The following DDAH1 variants were observed in gnomAD, a reference collection of about 807,000 sequenced individuals.
DDAH1 encodes N(G),N(G)-dimethylarginine dimethylaminohydrolase 1.
In DDAH1, 19 loss-of-function variants were observed where a neutral mutation model predicts 28.8. That is an observed-to-expected ratio of 0.66 (90% CI 0.46 to 0.97). DDAH1 has a LOEUF of 0.97. Among genes scored for constraint, DDAH1 ranks in the 50% least tolerant of loss-of-function variants. The probability of loss-of-function intolerance (pLI) is 0.00; values close to 1 mark genes in which losing one functional copy is unlikely to be tolerated. For synonymous variants in DDAH1, 153 were observed against 154.4 expected (o/e 0.99, Z 0.07); for missense variants, 326 against 375.9 (o/e 0.87, Z 1.10).
At chr1:85,502,900 G>T (rs182368332) in intron 1 of DDAH1, among the ~76,000 whole-genome samples, 4 of 152,272 alleles carry the variant, frequency 2.6e-5, no homozygotes, top group Non-Finnish European at 5.9e-5. Flanking sequence ...GCCTCTGCCT[G>T]CCTTTGTCTC....
rs551195628 is a variant in DDAH1 at position 85,561,928 on chromosome 1, C to G, written c.-123+16056G>C. Among the ~76,000 whole-genome samples, 22 of 152,272 alleles carry G rather than the reference C, an allele frequency of 1.4e-4. 1 individual carries two copies. In the South Asian group the frequency reaches 4.6e-3, roughly 32 times the overall value. ...ATGTTGGATTAGTAGGTGAATGATT[C>G]CTTTTGCAGTTTCTTTCTAAGAAGA... On this transcript the variant is annotated intron_variant, in intron 1 of 6. Coordinates refer to the DDAH1 transcript ENST00000426972.
At chr1:85,447,463 C>G (rs1040902822) in intron 1 of DDAH1, among the ~76,000 whole-genome samples, 1 of 152,142 alleles carries the variant, frequency 6.6e-6, no homozygotes, top group African/African-American at 2.4e-5. Context: ...AGCAAGTGGA[C>G]AGTGAGAAGA....
chr1:85,339,060 A>T (rs190804399), intron 4 of DDAH1, among the ~76,000 whole-genome samples: 17,192 of 146,286 alleles, frequency 0.12, 1,254 homozygotes, highest in South Asian at 0.26. Context: ...AAAAAAAAAA[A>T]AAATATATAT....
In DDAH1 at chr1:85,465,072, C is replaced by CGGCGGCGGA. The variant is rs1345916526; in HGVS notation, c.-36_-28dup. 1 of 1,226,112 alleles carries CGGCGGCGGA rather than the reference C, an allele frequency of 8.2e-7. No homozygotes were observed. The highest frequency in any genetic ancestry group is 1.6e-5 in the African/African-American group (1 of 63,706). 76.0% of individuals were successfully genotyped at this position (1,226,112 alleles called of 1,614,324 possible). On this transcript the variant is annotated 5_prime_UTR_variant, in exon 1 of 6. Transcript: ENST00000284031. ...GCTTCGGGAGGCTTAGGGGCGGCGG[C>CGGCGGCGGA]GGCGGCGGAGGCGGCCGGGTCCTGC...
chr1:85,370,345 T>C (rs1650316804), intron 1 of DDAH1, among the ~76,000 whole-genome samples: 1 of 152,238 alleles, frequency 6.6e-6, no homozygotes, highest in African/African-American at 2.4e-5. Context: ...TTATTTAAGA[T>C]GTCCAGTCAG....
chr1:85,514,197 T>C (rs999594042), intron 1 of DDAH1, among the ~76,000 whole-genome samples: 5 of 152,162 alleles, frequency 3.3e-5, no homozygotes, highest in African/African-American at 1.2e-4. Flanking sequence ...TGGAATACTA[T>C]GCAGCCATAA....
At chr1:85,330,431 G>T (rs1251500788) in intron 4 of DDAH1, among the ~76,000 whole-genome samples, 2 of 152,170 alleles carry the variant, frequency 1.3e-5, no homozygotes, top group African/African-American at 4.8e-5. Context: ...AAAAAAGCAT[G>T]GAGGAGGTGG....
At chr1:85,535,954 A>G (rs576073425) in intron 1 of DDAH1, among the ~76,000 whole-genome samples, 8 of 152,358 alleles carry the variant, frequency 5.3e-5, no homozygotes, top group Non-Finnish European at 2.9e-5. Context: ...AGTAATCATC[A>G]GGGAAGTCCA....
intron 1 of DDAH1, among the ~76,000 whole-genome samples, chr1:85,531,757 C>T (rs866224164): frequency 6.8e-6 from 1 of 146,600 alleles, no homozygotes; most frequent in Non-Finnish European, 1.5e-5. Flanking sequence ...TTACTGTGAA[C>T]CAGGCACCAA....
intron 1 of DDAH1, among the ~76,000 whole-genome samples, chr1:85,512,065 A>G (rs1419535170): frequency 6.6e-6 from 1 of 152,230 alleles, no homozygotes; most frequent in Non-Finnish European, 1.5e-5. Context: ...ATTTTAGACC[A>G]ATATCTCTGA....
intron 1 of DDAH1, among the ~76,000 whole-genome samples, chr1:85,553,041 G>C (rs766466606): frequency 6.6e-6 from 1 of 152,148 alleles, no homozygotes; most frequent in Admixed American, 6.5e-5. Context: ...CAGCTGCCAT[G>C]TAAGATATCC....
chr1:85,559,253 A>G (rs934280413), intron 1 of DDAH1, among the ~76,000 whole-genome samples: 6 of 152,220 alleles, frequency 3.9e-5, no homozygotes, highest in African/African-American at 1.4e-4. Flanking sequence ...GCAGAGTCAC[A>G]TCTTAGTAGT....
chr1:85,343,267 T>C (rs1193641496), intron 4 of DDAH1, among the ~76,000 whole-genome samples: 1 of 152,244 alleles, frequency 6.6e-6, no homozygotes, highest in Non-Finnish European at 1.5e-5. Flanking sequence ...GGACTAATGC[T>C]AAAATTCAGC....
intron 1 of DDAH1, among the ~76,000 whole-genome samples, chr1:85,566,609 A>G (rs1475720140): frequency 6.6e-6 from 1 of 152,188 alleles, no homozygotes; most frequent in Non-Finnish European, 1.5e-5. Flanking sequence ...CAAGTAGGTT[A>G]AAAGCAAAAG....
chr1:85,372,437 C>A (rs1650432460), intron 1 of DDAH1, among the ~76,000 whole-genome samples: 1 of 152,080 alleles, frequency 6.6e-6, no homozygotes, highest in African/African-American at 2.4e-5. Flanking sequence ...AAGACTGGAA[C>A]AGTTCAATAG....
chr1:85,330,248 G>T (rs1647678015), intron 4 of DDAH1, among the ~76,000 whole-genome samples: 1 of 152,156 alleles, frequency 6.6e-6, no homozygotes, highest in Non-Finnish European at 1.5e-5. Flanking sequence ...GTCTGGTAGG[G>T]TATCACCTCA....
intron 1 of DDAH1, among the ~76,000 whole-genome samples, chr1:85,540,205 T>G (rs1057413184): frequency 6.6e-6 from 1 of 152,164 alleles, no homozygotes; most frequent in Non-Finnish European, 1.5e-5. Flanking sequence ...TCAACAATCT[T>G]TCCAATATAC....
intron 1 of DDAH1, among the ~76,000 whole-genome samples, chr1:85,506,750 G>A (rs1333809369): frequency 6.6e-6 from 1 of 152,204 alleles, no homozygotes; most frequent in Non-Finnish European, 1.5e-5. Flanking sequence ...CCATGTGGGT[G>A]ATGAGGAAGG....
rs534578809 is a variant in DDAH1, at chr1:85,557,641, G to A, written c.-123+20343C>T. ...GTTATGGGCTAAATTGTGTCTCCCC[G>A]ACCCCAAATTCATATATTAGAGTCC... On this transcript the variant is annotated intron_variant, in intron 1 of 6. Transcript: ENST00000426972. Among the ~76,000 whole-genome samples, 6 of 152,186 alleles carry A rather than the reference G, an allele frequency of 3.9e-5. No individual in the cohort carries two copies. The South Asian group carries it at 8.3e-4, about 21-fold the overall frequency.
Sources: gnomAD v4.1 joint callset for allele counts (sites outside exome capture counted in the v4.1 genomes callset) on GRCh38, gnomAD v4.1.1 for gene constraint, MANE v1.5 for transcripts, NCBI Gene and HGNC (gene_info 2026-07-23, HGNC 2026-07-21) for gene names.